THEMIS: variants seen among roughly 807,000 people sequenced by gnomAD.
The protein encoded by THEMIS is protein THEMIS.
THEMIS carries 37 observed loss-of-function variants against 52.6 expected under a neutral mutation model. The ratio of observed to expected loss-of-function variants is 0.70; its 90% CI spans 0.54 to 0.93. The LOEUF is 0.93. Ranked by LOEUF, THEMIS falls within the 40% of genes least tolerant of loss-of-function variation. THEMIS has a pLI of 0.00. For synonymous variants in THEMIS, 292 were observed against 272.7 expected, an observed-to-expected ratio of 1.07 and a Z score of -0.70; for missense variants, 808 against 763.1, an observed-to-expected ratio of 1.06 and a Z score of -0.69.
chr6:127,854,953 T>G (rs575569044), intron 2 of THEMIS, 77 bp downstream of exon 2: 1 of 1,262,112 alleles, frequency 7.9e-7, no homozygotes, highest in African/African-American at 1.6e-5. Flanking sequence ...CATTTTTTTC[T>G]TGTTTTTGGT....
intron 3 of THEMIS, among the ~76,000 whole-genome samples, chr6:127,827,658 C>A (rs184565860): frequency 7.6e-4 from 115 of 152,238 alleles, no homozygotes; most frequent in Non-Finnish European, 1.3e-3. Context: ...AGGCTGGGAA[C>A]AAGTTTGGCT....
intron 4 of THEMIS, among the ~76,000 whole-genome samples, chr6:127,806,598 T>C (rs1424022744): frequency 6.6e-6 from 1 of 152,216 alleles, no homozygotes; most frequent in African/African-American, 2.4e-5. Context: ...AGTATTTTAT[T>C]ATTAGTATGA....
At chr6:127,914,549 C>G (rs184739091) in intron 1 of THEMIS, among the ~76,000 whole-genome samples, 37 of 152,220 alleles carry the variant, frequency 2.4e-4, no homozygotes, top group African/African-American at 8.4e-4. Flanking sequence ...AGGCTACAAG[C>G]CTGTATAGCA....
chr6:127,749,134 A>G (rs1017125713), intron 4 of THEMIS, among the ~76,000 whole-genome samples: 2 of 152,094 alleles, frequency 1.3e-5, no homozygotes, highest in African/African-American at 4.8e-5. Context: ...AACTTGATTC[A>G]GCCATGAGGA....
chr6:127,865,343 C>A (rs1779941837), intron 1 of THEMIS, among the ~76,000 whole-genome samples: 1 of 152,092 alleles, frequency 6.6e-6, no homozygotes, highest in African/African-American at 2.4e-5. Flanking sequence ...TATAAGGTAT[C>A]TCTAAGGAGC....
At chr6:127,703,042 T>TTTTTTG in the THEMIS span, among the ~76,000 whole-genome samples, 2 of 106,526 alleles carry the variant, frequency 1.9e-5, no homozygotes, top group Non-Finnish European at 4.0e-5. Context: ...TGAGTTTTTT[T>TTTTTTG]TTTTTTTTTT....
intron 2 of THEMIS, among the ~76,000 whole-genome samples, chr6:127,830,462 G>A (rs1484388934): frequency 6.6e-6 from 1 of 151,914 alleles, no homozygotes. Context: ...GAGGTGGGAG[G>A]GTCACTTGAG....
chr6:127,759,361 C>T (rs780665870), intron 4 of THEMIS, among the ~76,000 whole-genome samples: 2 of 152,122 alleles, frequency 1.3e-5, no homozygotes, highest in Non-Finnish European at 2.9e-5. Flanking sequence ...TGACTGTAAC[C>T]TCTTCCCTAA....
intron 1 of THEMIS, among the ~76,000 whole-genome samples, chr6:127,894,665 A>G (rs1262124289): frequency 6.6e-6 from 1 of 151,790 alleles, no homozygotes; most frequent in Non-Finnish European, 1.5e-5. Flanking sequence ...TAAAAGAAAC[A>G]AAACATAGAG....
At chr6:127,894,584 T>C (rs940373167) in intron 1 of THEMIS, among the ~76,000 whole-genome samples, 8 of 151,746 alleles carry the variant, frequency 5.3e-5, no homozygotes, top group African/African-American at 1.9e-4. Context: ...CGATTCAACA[T>C]AGGAGGCTGG....
At chr6:127,784,298 T>C (rs1409289026) in intron 4 of THEMIS, among the ~76,000 whole-genome samples, 2 of 152,082 alleles carry the variant, frequency 1.3e-5, no homozygotes, top group Non-Finnish European at 2.9e-5. Context: ...GATGGGCTGA[T>C]GGGTGCAGCA....
At chr6:127,849,237 G>C (rs1779334386) in intron 2 of THEMIS, among the ~76,000 whole-genome samples, 1 of 151,886 alleles carries the variant, frequency 6.6e-6, no homozygotes, top group African/African-American at 2.4e-5. Context: ...GATAGTTGTA[G>C]ATATGCGGCA....
intron 4 of THEMIS, among the ~76,000 whole-genome samples, chr6:127,785,858 A>G (rs1331275923): frequency 6.6e-6 from 1 of 152,066 alleles, no homozygotes; most frequent in Non-Finnish European, 1.5e-5. Context: ...TTATTGTTAA[A>G]TATTTTGAAT....
intron 2 of THEMIS, among the ~76,000 whole-genome samples, chr6:127,841,194 G>T (rs1779036983): frequency 6.6e-6 from 1 of 151,920 alleles, no homozygotes; most frequent in Non-Finnish European, 1.5e-5. Context: ...TGCCATATAT[G>T]GCATGTTGGG....
chr6:127,838,031 T>C (rs1778928371), intron 2 of THEMIS, among the ~76,000 whole-genome samples: 1 of 152,132 alleles, frequency 6.6e-6, no homozygotes, highest in Non-Finnish European at 1.5e-5. Context: ...GTGGAAGCAC[T>C]GAGTTAAAGC....
At chr6:127,797,276 T>C (rs961769697) in intron 4 of THEMIS, among the ~76,000 whole-genome samples, 1 of 152,158 alleles carries the variant, frequency 6.6e-6, no homozygotes. Flanking sequence ...CTTTTTTTCA[T>C]AGGTCACTTC....
chr6:127,861,783 C>CAAAAAAAAAAAAAAAAAGAAAAAAAAAAA (rs1779805728), intron 1 of THEMIS, among the ~76,000 whole-genome samples: 1 of 95,700 alleles, frequency 1.0e-5, no homozygotes, highest in South Asian at 3.1e-4. Flanking sequence ...GACTCCATCT[C>CAAAAAAAAAAAAAAAAAGAAAAAAAAAAA]AAAAAAAAAA....
At chr6:127,892,367 G>A (rs1463964962) in intron 1 of THEMIS, among the ~76,000 whole-genome samples, 1 of 152,050 alleles carries the variant, frequency 6.6e-6, no homozygotes, top group Non-Finnish European at 1.5e-5. Context: ...AATCTGCCCC[G>A]GTCACCCTAT....
At chr6:127,796,828 A>G (rs1462419902) in intron 4 of THEMIS, among the ~76,000 whole-genome samples, 4 of 152,188 alleles carry the variant, frequency 2.6e-5, no homozygotes, top group African/African-American at 7.2e-5. Flanking sequence ...GCTGAACTTT[A>G]TAGTGTCTAC....
Sources: gnomAD v4.1 joint callset for allele counts (sites outside exome capture counted in the v4.1 genomes callset) on GRCh38, gnomAD v4.1.1 for gene constraint, MANE v1.5 for transcripts, NCBI Gene and HGNC (gene_info 2026-07-23, HGNC 2026-07-21) for gene names.